TP53BP2: variants seen among roughly 807,000 people sequenced by gnomAD.
TP53BP2 encodes the protein tumor protein p53 binding protein 2.
TP53BP2 carries 62 observed loss-of-function variants against 126.2 expected under a neutral mutation model. The observed-to-expected ratio is 0.49, with a 90% CI of 0.40 to 0.61. The LOEUF (loss-of-function observed/expected upper bound fraction) is 0.61, where lower values mean the gene tolerates loss of function less well. Ranked by LOEUF, TP53BP2 falls within the 20% of genes least tolerant of loss-of-function variation. TP53BP2 has a pLI of 0.00. For missense variants in TP53BP2, 1,215 were observed against 1,402.8 expected (o/e 0.87, Z 2.14); for synonymous variants, 485 against 502.9 (o/e 0.96, Z 0.48).
In TP53BP2 at chr1:223,798,226, T is replaced by C. The variant is rs1461734530; in HGVS notation, c.1937A>G (p.His646Arg). Residue 646 changes from histidine (H) to arginine (R), a missense_variant, in exon 12 of 18, where the codon CAC (histidine) becomes CGC (arginine). This residue lies in a region of TP53BP2 where 814 missense variants were observed against 853.0 expected (regional missense o/e 0.95). Coordinates refer to ENST00000343537, the MANE Select transcript of TP53BP2 (RefSeq NM_001031685.3). Reference sequence around the variant, plus strand: ...GTTAAGAACCTTACCACTTGAAAAGTGTGGCCCTCTGGTATGAGTCTTGGT... The same window carrying C: ...GTTAAGAACCTTACCACTTGAAAAGCGTGGCCCTCTGGTATGAGTCTTGGT... Reference protein sequence around the residue: ...ALTKTHTRGPHFSSVYGKPVI... With the variant: ...ALTKTHTRGPRFSSVYGKPVI... 1.9e-6 allele frequency: 3 copies of C among 1,613,002 alleles called. No individual in the cohort carries two copies. Among genetic ancestry groups the C allele is most frequent in the Admixed American group, 1.7e-5 (1 of 59,900 alleles).
chr1:223,779,921 T>TA lies in TP53BP2; in HGVS notation c.*931dup, dbSNP rs1166063236. 5.9e-5 allele frequency: 9 copies of TA among 152,232 alleles called. No homozygotes were observed. The highest frequency in any genetic ancestry group is 2.2e-4 in the African/African-American group (9 of 41,456). 9.4% of individuals were successfully genotyped at this position (152,232 alleles called of 1,614,324 possible). ...CCATGATCTCTACAGTATTTTATTT[T>TA]AAAAACCACTTACATTGAATCACTT... On this transcript the variant is annotated 3_prime_UTR_variant, in exon 18 of 18. Transcript: ENST00000343537.
At chr1:223,823,773 T>C (rs570982929) in intron 1 of TP53BP2, among the ~76,000 whole-genome samples, 2 of 152,354 alleles carry the variant, frequency 1.3e-5, no homozygotes, top group East Asian at 3.9e-4. Flanking sequence ...AGACAAATAA[T>C]GTACACTTTA....
At chr1:223,787,042 C>T (rs548076623) in intron 16 of TP53BP2, among the ~76,000 whole-genome samples, 1 of 152,128 alleles carries the variant, frequency 6.6e-6, no homozygotes, top group South Asian at 2.1e-4. Flanking sequence ...ATTACAGGTG[C>T]CCGCCACCAC....
chr1:223,834,835 C>T, intron 1 of TP53BP2: 1 of 985,412 alleles, frequency 1.0e-6, no homozygotes, highest in Non-Finnish European at 1.2e-6. Context: ...CACTCACCTC[C>T]AGCCAGAAGT....
Position 223,780,945 on chromosome 1 carries a change from A to G in TP53BP2, c.3364-51T>C, listed in dbSNP as rs764380513. On this transcript the variant is annotated intron_variant, in intron 17 of 17. Coordinates refer to ENST00000343537, the MANE Select transcript of TP53BP2 (RefSeq NM_001031685.3). Reference sequence around the variant, plus strand: ...CATACTATAATAGATGTGTGGGAATATAACAAAATTTCAAGAAATAATGAG... The same window carrying G: ...CATACTATAATAGATGTGTGGGAATGTAACAAAATTTCAAGAAATAATGAG... 18 of 1,540,198 alleles carry G rather than the reference A, an allele frequency of 1.2e-5. No individual in the cohort carries two copies. In the African/African-American group the frequency reaches 1.4e-4, roughly 12 times the overall value.
intron 1 of TP53BP2, among the ~76,000 whole-genome samples, chr1:223,839,538 T>C (rs988182480): frequency 2.6e-5 from 4 of 152,226 alleles, no homozygotes; most frequent in African/African-American, 9.7e-5. Context: ...TTCATTATGG[T>C]TTTCTACCAC....
At chr1:223,845,507 C>G (rs1298879951) in intron 1 of TP53BP2, 147 bp downstream of exon 1, 9 of 934,646 alleles carry the variant, frequency 9.6e-6, no homozygotes, top group African/African-American at 1.8e-5. Flanking sequence ...TTCCTGAAAC[C>G]CGCTCGAAGC....
At position 223,794,275 on chromosome 1, in the gene TP53BP2, A is replaced by G. The variant is rs141472260; in HGVS notation, c.2725-835T>C. ...GTGAGGTGTGATATATGTACTCCAC[A>G]TAATTCTTTCATTTTATCTCAGATG... On this transcript the variant is annotated intron_variant, in intron 13 of 17. Transcript: ENST00000343537. Among the ~76,000 whole-genome samples, 497 of 152,346 alleles carry G rather than the reference A, an allele frequency of 3.3e-3. 2 individuals carry two copies. The highest frequency in any genetic ancestry group is 0.011 in the African/African-American group (467 of 41,586).
chr1:223,806,371 G>T (rs1662716447), intron 5 of TP53BP2, among the ~76,000 whole-genome samples: 1 of 152,152 alleles, frequency 6.6e-6, no homozygotes, highest in African/African-American at 2.4e-5. Context: ...AAATGCTATA[G>T]TAAGGACTCA....
In TP53BP2 at chr1:223,845,894, C is replaced by T. The variant is rs1664263663; in HGVS notation, c.-214G>A. 1 of 299,594 alleles carries T rather than the reference C, an allele frequency of 3.3e-6. No individual in the cohort carries two copies. The highest frequency in any genetic ancestry group is 6.1e-6 in the Non-Finnish European group (1 of 165,108). 18.6% of individuals were successfully genotyped at this position (299,594 alleles called of 1,614,324 possible). A position where few individuals can be genotyped will look rare whatever the true frequency, so the allele number is the denominator to read the frequency against. ...GCCCCGGCCGGGCCCCCTGACGCGG[C>T]TTTGTCTCTTCGACGCTCGTGACGG... is the stretch of plus-strand genomic sequence containing the variant. On this transcript the variant is annotated 5_prime_UTR_variant, in exon 1 of 18. Transcript: ENST00000343537.
intron 16 of TP53BP2, among the ~76,000 whole-genome samples, chr1:223,786,606 G>A (rs571647369): frequency 0.017 from 2,557 of 150,356 alleles, 45 homozygotes; most frequent in South Asian, 0.028. Context: ...GTGTGTGTGT[G>A]TATATTTTTT....
chr1:223,840,327 T>C (rs985493492), intron 1 of TP53BP2, among the ~76,000 whole-genome samples: 13 of 152,196 alleles, frequency 8.5e-5, no homozygotes, highest in African/African-American at 3.1e-4. Flanking sequence ...ATCATCTGTG[T>C]TTTCTTTTTT....
intron 2 of TP53BP2, among the ~76,000 whole-genome samples, chr1:223,817,302 AG>A (rs1195587584): frequency 3.2e-5 from 1 of 30,860 alleles, no homozygotes; most frequent in Non-Finnish European, 6.1e-5. Flanking sequence ...GAGGAGGGGG[AG>A]GGAAAGGAGG....
At position 223,798,610 on chromosome 1, in the gene TP53BP2, G is replaced by A. The variant is rs767986971; in HGVS notation, c.1553C>T (p.Pro518Leu). 6.2e-7 allele frequency: 1 copy of A among 1,614,098 alleles called. No individual in the cohort carries two copies. Among genetic ancestry groups the A allele is most frequent in the Non-Finnish European group, 8.5e-7 (1 of 1,179,996 alleles). Residue 518 changes from proline to leucine, a missense_variant, in exon 12 of 18, where the codon CCT becomes CTT. Around this residue, in one of 4 missense-constraint regions of TP53BP2, gnomAD observed 814 missense variants for 853.0 expected, o/e 0.95. Coordinates refer to ENST00000343537, the MANE Select transcript of TP53BP2 (RefSeq NM_001031685.3). ...VPTKPKQINLPYFGQTNQPPS... is the reference protein window; with the variant it reads ...VPTKPKQINLLYFGQTNQPPS... ...TGGCTGATTAGTTTGTCCAAAATAA[G>A]GCAAATTAATCTGTTTTGGTTTTGT...
intron 12 of TP53BP2, among the ~76,000 whole-genome samples, chr1:223,797,352 A>C (rs1025758260): frequency 1.3e-5 from 2 of 152,194 alleles, no homozygotes; most frequent in Non-Finnish European, 2.9e-5. Context: ...TTTTACATTT[A>C]GCTAGCGGCT....
At position 223,788,839 on chromosome 1, in the gene TP53BP2, T is replaced by C. The variant is rs570032499; in HGVS notation, c.3163+169A>G. On this transcript the variant is annotated intron_variant, in intron 16 of 17. Transcript: ENST00000343537. ...CCCTGACAATAGCTGTTTCTAAGCATACAAACAGAAGCTGTATTATCTGTG... is the reference window on the plus strand; with the variant it reads ...CCCTGACAATAGCTGTTTCTAAGCACACAAACAGAAGCTGTATTATCTGTG... 5.9e-5 allele frequency among the ~76,000 whole-genome samples: 9 copies of C among 152,338 alleles called. No individual in the cohort carries two copies. In the South Asian group the frequency reaches 1.9e-3, roughly 32 times the overall value.
Position 223,798,386 on chromosome 1 carries a change from G to C in TP53BP2, c.1777C>G (p.Pro593Ala). ...PPAAAVRPFT[P>A]QPSKDTLLPP... Reference sequence around the variant, plus strand: ...AGTAAGGTGTCTTTGGAAGGCTGGGGAGTAAAGGGCCGGACGGCAGCAGCA... The same window carrying C: ...AGTAAGGTGTCTTTGGAAGGCTGGGCAGTAAAGGGCCGGACGGCAGCAGCA... Residue 593 changes from proline (P) to alanine (A), a missense_variant, in exon 12 of 18, where the codon CCC (proline) becomes GCC (alanine). By Grantham distance (27) the Pro-to-Ala change is conservative. Around this residue, in one of 4 missense-constraint regions of TP53BP2, gnomAD observed 814 missense variants for 853.0 expected, o/e 0.95. Coordinates refer to ENST00000343537, the MANE Select transcript of TP53BP2 (RefSeq NM_001031685.3). The C allele has an allele frequency of 6.2e-7, 1 of 1,614,168 alleles. No individual in the cohort carries two copies. The highest frequency in any genetic ancestry group is 1.7e-5 in the Admixed American group (1 of 60,012).
chr1:223,816,866 A>T (rs1042820545), intron 2 of TP53BP2, among the ~76,000 whole-genome samples: 1 of 151,902 alleles, frequency 6.6e-6, no homozygotes, highest in East Asian at 1.9e-4. Context: ...AAAAAAAAAA[A>T]ATGTGTGGCC....
At position 223,802,223 on chromosome 1, in the gene TP53BP2, A is replaced by T. The variant is rs1662549187; in HGVS notation, c.1118T>A (p.Val373Glu). 1 of 1,614,080 alleles carries T rather than the reference A, an allele frequency of 6.2e-7. No individual in the cohort carries two copies. The highest frequency in any genetic ancestry group is 1.3e-5 in the African/African-American group (1 of 74,928). ...PRMPSRPELLVKPALPDGSLV... is the reference protein window; with the variant it reads ...PRMPSRPELLEKPALPDGSLV... ...GGAACCATCCGGCAGGGCTGGCTTC[A>T]CCAGCAATTCAGGCCTTGAGGGCAT... The change falls in exon 9 of 18, where the codon GTG (valine) becomes GAG (glutamate). Residue 373 changes from valine (V) to glutamate (E), a missense_variant. Transcript: ENST00000343537.
Sources: allele counts gnomAD v4.1 joint callset (sites outside exome capture counted in the v4.1 genomes callset), GRCh38; gene constraint gnomAD v4.1.1; regional missense constraint gnomAD v4.1.1; transcripts MANE v1.5; gene names NCBI Gene and HGNC (gene_info 2026-07-23, HGNC 2026-07-21).